The following GASK1A variants were observed in gnomAD, a reference collection of about 807,000 sequenced individuals.
GASK1A encodes golgi associated kinase 1A.
A neutral mutation model predicts 41.2 loss-of-function variants in GASK1A; 40 were observed. The ratio of observed to expected loss-of-function variants is 0.97; its 90% CI spans 0.75 to 1.27. GASK1A has a LOEUF of 1.27. Among genes scored for constraint, GASK1A ranks in the 50% most tolerant of loss-of-function variants. The probability of loss-of-function intolerance (pLI) is 0.00; values close to 1 mark genes in which losing one functional copy is unlikely to be tolerated. For missense variants in GASK1A, 678 were observed against 745.1 expected (o/e 0.91, Z 1.05); for synonymous variants, 316 against 307.1 (o/e 1.03, Z -0.30).
chr3:43,041,641 C>A (rs1300817836), intron 2 of GASK1A, among the ~76,000 whole-genome samples: 2 of 152,216 alleles, frequency 1.3e-5, no homozygotes, highest in African/African-American at 4.8e-5. Context: ...CTTCTGACTT[C>A]ATCTTGCTTT....
In GASK1A at chr3:43,032,635, G is replaced by A. The variant is rs1196855121; in HGVS notation, c.372G>A (p.Leu124=). ...GGAGGGTGAGGAGGGACATTACTTT[G>A]TCAGGACATCCAAGACTCAGTACTC... ...HPGRVRRDIT[L]SGHPRLSTQH... Residue 124 remains leucine, a synonymous_variant, in exon 2 of 5, where the codon TTG becomes TTA. Coordinates refer to ENST00000430121, the MANE Select transcript of GASK1A (RefSeq NM_001129908.3). 1 of 1,551,618 alleles carries A rather than the reference G, an allele frequency of 6.4e-7. No homozygotes were observed. Among genetic ancestry groups the A allele is most frequent in the African/African-American group, 1.4e-5 (1 of 73,044 alleles).
At chr3:43,043,238 G>A (rs1041216861) in intron 2 of GASK1A, among the ~76,000 whole-genome samples, 3 of 152,126 alleles carry the variant, frequency 2.0e-5, no homozygotes, top group East Asian at 1.9e-4. Context: ...TGCGCTAGGG[G>A]CATGGGCCAC....
chr3:43,016,976 G>T (rs2089494928), intron 1 of GASK1A, among the ~76,000 whole-genome samples: 1 of 151,816 alleles, frequency 6.6e-6, no homozygotes, highest in African/African-American at 2.4e-5. Context: ...CACAGGAAGG[G>T]TCTGTGTGAA....
At chr3:43,010,048 A>T (rs2089455672) in intron 1 of GASK1A, among the ~76,000 whole-genome samples, 1 of 152,078 alleles carries the variant, frequency 6.6e-6, no homozygotes, top group Non-Finnish European at 1.5e-5. Flanking sequence ...TCACCCCTAC[A>T]CTGTTCCTTT....
rs1002615990 is a variant in GASK1A at position 43,056,473 on chromosome 3, C to T, written c.*87C>T. 29 of 1,210,158 alleles carry T rather than the reference C, an allele frequency of 2.4e-5. No individual in the cohort carries two copies. In the African/African-American group the frequency reaches 3.4e-4, roughly 14 times the overall value. 75.0% of individuals were successfully genotyped at this position (1,210,158 alleles called of 1,614,324 possible). A position where few individuals can be genotyped will look rare whatever the true frequency, so the allele number is the denominator to read the frequency against. On this transcript the variant is annotated 3_prime_UTR_variant, in exon 5 of 5. Transcript: ENST00000430121. The stretch of plus-strand genomic sequence containing the variant: ...TCATCTTGAGGACAAATGGGAAAAG[C>T]CAGAAGCCAGAGGGGCACAAGGATG...
rs1198926714 is a variant in GASK1A at position 43,033,553 on chromosome 3, G to A, written c.1290G>A (p.Gln430=). ...ARLALFDFLL[Q]VHDRLDRYCC... ...TGGCGCTCTTCGACTTCCTGTTGCAGGTAGGTGGGGTTGGGCAGCAGGGGT... is the reference window on the plus strand; with the variant it reads ...TGGCGCTCTTCGACTTCCTGTTGCAAGTAGGTGGGGTTGGGCAGCAGGGGT... Residue 430 remains glutamine (Q), a splice_region_variant and synonymous_variant, in exon 2 of 5, where the codon CAG becomes CAA. Transcript: ENST00000430121. The A allele has an allele frequency of 1.8e-5, 27 of 1,523,848 alleles. No homozygotes were observed. The highest frequency in any genetic ancestry group is 2.3e-5 in the Non-Finnish European group (26 of 1,130,252). The allele number at this position is 1,523,848 out of a possible 1,614,324, so 94.4% of individuals were successfully genotyped here. A position where few individuals can be genotyped will look rare whatever the true frequency, so the allele number is the denominator to read the frequency against.
chr3:43,002,119 G>A lies in GASK1A; in HGVS notation c.3+22474G>A, dbSNP rs184947483. Among the ~76,000 whole-genome samples the A allele has an allele frequency of 4.0e-4, 61 of 152,246 alleles. 1 individual carries two copies. Among genetic ancestry groups the A allele is most frequent in the African/African-American group, 1.3e-3 (56 of 41,540 alleles). Reference sequence around the variant, plus strand: ...AATATGAGTGGAGCCAGGTAGGTCCGCATTCAAACATTCGTCTTCCCAGAA... The same window carrying A: ...AATATGAGTGGAGCCAGGTAGGTCCACATTCAAACATTCGTCTTCCCAGAA... On this transcript the variant is annotated intron_variant, in intron 1 of 4. Transcript: ENST00000430121.
intron 2 of GASK1A, 134 bp downstream of exon 2, chr3:43,033,687 C>A: frequency 1.3e-6 from 1 of 795,712 alleles, no homozygotes; most frequent in Non-Finnish European, 1.8e-6. Flanking sequence ...CAAGCACCTG[C>A]TTTTGTAATT....
intron 2 of GASK1A, among the ~76,000 whole-genome samples, chr3:43,034,077 A>T (rs2089593507): frequency 6.6e-6 from 1 of 151,766 alleles, no homozygotes; most frequent in South Asian, 2.1e-4. Flanking sequence ...ACTCCCCTCT[A>T]CTCCTGGAGA....
chr3:43,055,730 A>G (rs2089712949), intron 4 of GASK1A, 195 bp downstream of exon 4: 1 of 568,804 alleles, frequency 1.8e-6, no homozygotes, highest in Non-Finnish European at 3.2e-6. Flanking sequence ...GCCTACCCCA[A>G]TATCCAGAGG....
At chr3:43,035,672 C>T (rs562031952) in intron 2 of GASK1A, among the ~76,000 whole-genome samples, 1 of 152,314 alleles carries the variant, frequency 6.6e-6, no homozygotes, top group East Asian at 1.9e-4. Flanking sequence ...TAACATTGAT[C>T]ACGCATAGTT....
chr3:42,995,533 G>A (rs186803413), intron 1 of GASK1A, among the ~76,000 whole-genome samples: 4 of 152,288 alleles, frequency 2.6e-5, no homozygotes, highest in Admixed American at 2.6e-4. Context: ...GCCAGATTTG[G>A]CCTGTGGGTC....
intron 1 of GASK1A, among the ~76,000 whole-genome samples, chr3:43,016,260 C>T (rs1477702224): frequency 2.0e-5 from 3 of 151,250 alleles, no homozygotes; most frequent in Non-Finnish European, 2.9e-5. Context: ...TGTGAGGACA[C>T]AGGAAGGGGC....
intron 2 of GASK1A, among the ~76,000 whole-genome samples, chr3:43,034,520 A>G (rs1415259973): frequency 6.6e-6 from 1 of 152,210 alleles, no homozygotes; most frequent in Non-Finnish European, 1.5e-5. Context: ...AAGACAAAAA[A>G]CAGATAAAGC....
intron 1 of GASK1A, among the ~76,000 whole-genome samples, chr3:42,980,637 G>C (rs958028544): frequency 2.6e-5 from 4 of 152,112 alleles, no homozygotes; most frequent in Non-Finnish European, 5.9e-5. Flanking sequence ...CAGCTCCTTT[G>C]TGTGCAGGGG....
intron 1 of GASK1A, among the ~76,000 whole-genome samples, chr3:42,998,858 T>G (rs2089390956): frequency 6.6e-6 from 1 of 152,204 alleles, no homozygotes; most frequent in South Asian, 2.1e-4. Context: ...ATGCCTAGAT[T>G]TGGGTGGAGG....
rs187014319 is a variant in GASK1A at position 43,005,745 on chromosome 3, A to G, written c.3+26100A>G. On this transcript the variant is annotated intron_variant, in intron 1 of 4. Transcript: ENST00000430121. ...GATCTGCAGTAAGAATGAATCTGCT[A>G]TCTGTGAAATTGTCTTCTGAAGAAA... Among the ~76,000 whole-genome samples, 14 of 152,342 alleles carry G rather than the reference A, an allele frequency of 9.2e-5. No individual in the cohort carries two copies. In the South Asian group the frequency reaches 1.0e-3, roughly 11 times the overall value.
chr3:43,014,073 T>C (rs1191550186), intron 1 of GASK1A, among the ~76,000 whole-genome samples: 1 of 144,322 alleles, frequency 6.9e-6, no homozygotes, highest in Non-Finnish European at 1.5e-5. Flanking sequence ...AGGAAGGGAC[T>C]GTGTGAAGCC....
At chr3:42,993,523 C>A (rs887462669) in intron 1 of GASK1A, among the ~76,000 whole-genome samples, 22 of 151,970 alleles carry the variant, frequency 1.4e-4, no homozygotes, top group African/African-American at 5.3e-4. Flanking sequence ...TCTTGGTAAC[C>A]CTGTATTTTT....
Sources: allele counts gnomAD v4.1 joint callset (sites outside exome capture counted in the v4.1 genomes callset), GRCh38; gene constraint gnomAD v4.1.1; transcripts MANE v1.5; gene names NCBI Gene and HGNC (gene_info 2026-07-23, HGNC 2026-07-21).